Variants in AKR7A2 observed in about 807,000 individuals in gnomAD.
AKR7A2 encodes aldo-keto reductase family 7 member A2.
AKR7A2 carries 29 observed loss-of-function variants against 37.3 expected under a neutral mutation model. That is an observed-to-expected ratio of 0.78 (90% confidence interval 0.58 to 1.06). AKR7A2 has a LOEUF of 1.06. Among genes scored for constraint, AKR7A2 ranks in the 50% least tolerant of loss-of-function variants. The pLI is 0.00. For missense variants in AKR7A2, 529 were observed against 497.9 expected (o/e 1.06, Z -0.59); for synonymous variants, 228 against 217.8 (o/e 1.05, Z -0.41).
chr1:19,304,431 C>A, intron 6 of AKR7A2, 45 bp from the exon 7 acceptor site: 2 of 1,613,802 alleles, frequency 1.2e-6, no homozygotes, highest in Non-Finnish European at 1.7e-6. Context: ...TGCTGCACAG[C>A]GACTCCACTC....
At chr1:19,311,106 T>C (rs2093773636) in intron 1 of AKR7A2, among the ~76,000 whole-genome samples, 1 of 152,228 alleles carries the variant, frequency 6.6e-6, no homozygotes, top group Non-Finnish European at 1.5e-5. Flanking sequence ...CTGAGCTCCA[T>C]CCAGCATTTG....
At chr1:19,304,424 T>C in intron 6 of AKR7A2, 38 bp from the exon 7 acceptor site, 3 of 1,613,828 alleles carry the variant, frequency 1.9e-6, no homozygotes, top group Non-Finnish European at 2.5e-6. Flanking sequence ...CCTCTTCTGC[T>C]GCACAGCGAC....
chr1:19,304,518 T>G, intron 6 of AKR7A2, 132 bp from the exon 7 acceptor site: 1 of 1,506,970 alleles, frequency 6.6e-7, no homozygotes, highest in Non-Finnish European at 9.2e-7. Flanking sequence ...CAGAAAGGAC[T>G]TAAGGTGCCT....
chr1:19,302,760 G>A (rs1362085945), downstream of AKR7A2, among the ~76,000 whole-genome samples: 4 of 149,364 alleles, frequency 2.7e-5, 1 homozygote, highest in African/African-American at 7.5e-5. Context: ...GCATGATCTC[G>A]GCCCACTGCA....
At chr1:19,309,608 T>C (rs2093768616) in intron 1 of AKR7A2, among the ~76,000 whole-genome samples, 1 of 152,182 alleles carries the variant, frequency 6.6e-6, no homozygotes, top group Admixed American at 6.6e-5. Flanking sequence ...GCACTATTCT[T>C]TCCCCTATAA....
At chr1:19,306,266 G>A (rs2093761565) in intron 5 of AKR7A2, 119 bp from the exon 6 acceptor site, 2 of 1,430,554 alleles carry the variant, frequency 1.4e-6, no homozygotes, top group Non-Finnish European at 1.9e-6. Context: ...TGAGGGGCGG[G>A]TGTCCTCTCT....
chr1:19,308,043 T>TTC, intron 3 of AKR7A2, 115 bp downstream of exon 3: 1 of 1,377,180 alleles, frequency 7.3e-7, no homozygotes, highest in Non-Finnish European at 1.0e-6. Context: ...TCTGCAGGCT[T>TTC]TCAGCAGGGG....
In AKR7A2 at chr1:19,307,383, C is replaced by T. The variant is rs376273268; in HGVS notation, c.619G>A (p.Val207Met). ...QGMYNATTRQVETELFPCLRH... is the reference protein window; with the variant it reads ...QGMYNATTRQMETELFPCLRH... ...AGGCAGGGGAAGAGCTCCGTTTCCA[C>T]CTGCCGGGTGGTGGCGTTGTACATG... Residue 207 changes from valine (V) to methionine (M), a missense_variant, in exon 4 of 7, where the codon GTG becomes ATG. Val to Met is a conservative substitution (Grantham distance 21). Coordinates refer to ENST00000235835, the MANE Select transcript of AKR7A2 (RefSeq NM_003689.4). 6.8e-6 allele frequency: 11 copies of T among 1,613,986 alleles called. No individual in the cohort carries two copies. The African/African-American group carries it at 1.5e-4, about 22-fold the overall frequency.
In AKR7A2 at chr1:19,308,543, G is replaced by A. The variant is rs772462863; in HGVS notation, c.398C>T (p.Pro133Leu). ...LETSLKRLQC[P>L]QVDLFYLHAP... ...GTGTAGGTAGAAGAGGTCCACTTGG[G>A]GACACTGCAGCCTCTTCAATGACGT... The change falls in exon 2 of 7, where the codon CCC (proline) becomes CTC (leucine). Residue 133 changes from proline to leucine, a missense_variant. Physicochemically the swap from Pro to Leu is moderately conservative, Grantham distance 98 (BLOSUM62 -3). Transcript: ENST00000235835. The A allele has an allele frequency of 3.1e-6, 5 of 1,614,042 alleles. No homozygotes were observed. The highest frequency in any genetic ancestry group is 3.4e-6 in the Non-Finnish European group (4 of 1,180,028).
At chr1:19,306,898 G>T in intron 5 of AKR7A2, 104 bp downstream of exon 5, 1 of 1,022,220 alleles carries the variant, frequency 9.8e-7, no homozygotes, top group Non-Finnish European at 1.6e-6. Flanking sequence ...GGGAGGAGAT[G>T]CAAACAGCAA....
intron 4 of AKR7A2, 83 bp from the exon 5 acceptor site, chr1:19,307,184 G>A: frequency 1.3e-6 from 2 of 1,593,642 alleles, no homozygotes; most frequent in South Asian, 2.2e-5. Context: ...CTAGGGGAGG[G>A]GCAGGGACCC....
intron 1 of AKR7A2, among the ~76,000 whole-genome samples, chr1:19,310,810 T>A (rs2093772419): frequency 6.6e-6 from 1 of 151,774 alleles, no homozygotes; most frequent in South Asian, 2.1e-4. Flanking sequence ...GAACCTCTCC[T>A]CAGGGGTGGG....
chr1:19,309,024 G>GA (rs1252172869), intron 1 of AKR7A2, among the ~76,000 whole-genome samples: 1 of 152,190 alleles, frequency 6.6e-6, no homozygotes, highest in African/African-American at 2.4e-5. Flanking sequence ...TGAGATGCAT[G>GA]AAGCCAACTT....
chr1:19,305,000 TCAAA>T (rs1448939994), intron 6 of AKR7A2: 1 of 159,752 alleles, frequency 6.3e-6, no homozygotes, highest in Non-Finnish European at 1.4e-5. Flanking sequence ...TTTTTTTTTT[TCAAA>T]CAAAAATATT....
rs746191780 is a variant in AKR7A2 at position 19,308,539 on chromosome 1, T to C, written c.402A>G (p.Gln134=). The C allele has an allele frequency of 4.8e-5, 78 of 1,614,030 alleles. No homozygotes were observed. The highest frequency in any genetic ancestry group is 6.6e-5 in the South Asian group (6 of 91,090). ...ETSLKRLQCP[Q]VDLFYLHAPD... is the part of the protein sequence containing the mutation. ...GTGCGTGTAGGTAGAAGAGGTCCAC[T>C]TGGGGACACTGCAGCCTCTTCAATG... The change falls in exon 2 of 7, where the codon CAA becomes CAG. Residue 134 remains glutamine (Q), a synonymous_variant. Coordinates refer to ENST00000235835, the MANE Select transcript of AKR7A2 (RefSeq NM_003689.4).
At chr1:19,303,636 GTTC>G (rs144578693), downstream of AKR7A2, among the ~76,000 whole-genome samples, 1,041 of 152,320 alleles carry the variant, frequency 6.8e-3, 8 homozygotes, top group African/African-American at 0.023. Flanking sequence ...CCTGGGAAGT[GTTC>G]TTCTTCTTGG....
chr1:19,308,071 C>T (rs778619426), intron 3 of AKR7A2, 87 bp downstream of exon 3: 125 of 1,542,016 alleles, frequency 8.1e-5, no homozygotes, highest in East Asian at 1.6e-4. Context: ...GCTATGCAGA[C>T]GGCACAGGGG....
chr1:19,305,178 G>A (rs2151987975), intron 6 of AKR7A2: 1 of 153,942 alleles, frequency 6.5e-6, no homozygotes, highest in East Asian at 1.9e-4. Flanking sequence ...TGTCGATGCA[G>A]GCATGACATT....
Position 19,312,128 on chromosome 1 carries a change from A to T in AKR7A2, c.-4T>A. ...CGCGAGACGCGGCACTCAGCATAGC[A>T]GCGGCGCCTGCGCGTTGGGAGCCGG... On this transcript the variant is annotated 5_prime_UTR_variant, in exon 1 of 7. Transcript: ENST00000235835. 1 of 1,272,892 alleles carries T rather than the reference A, an allele frequency of 7.9e-7. No individual in the cohort carries two copies. Among genetic ancestry groups the T allele is most frequent in the East Asian group, 3.3e-5 (1 of 30,694 alleles). 78.8% of individuals were successfully genotyped at this position (1,272,892 alleles called of 1,614,324 possible).
Sources: gnomAD v4.1 joint callset for allele counts (sites outside exome capture counted in the v4.1 genomes callset) on GRCh38, gnomAD v4.1.1 for gene constraint, MANE v1.5 for transcripts, NCBI Gene and HGNC (gene_info 2026-07-23, HGNC 2026-07-21) for gene names.